RNF149: variants seen among roughly 807,000 people sequenced by gnomAD.
RNF149 encodes the protein ring finger protein 149.
Under a neutral mutation model 39.0 loss-of-function variants are expected in RNF149, and 21 were observed. That is an observed-to-expected ratio of 0.54 (90% CI 0.38 to 0.77). RNF149 has a LOEUF of 0.77. Ranked by LOEUF, RNF149 falls within the 30% of genes least tolerant of loss-of-function variation. RNF149 has a pLI of 0.00. For missense variants in RNF149, 493 were observed against 534.9 expected (o/e 0.92, Z 0.77); for synonymous variants, 209 against 213.6 (o/e 0.98, Z 0.19).
At chr2:101,282,850 C>T (rs1371913965) in intron 5 of RNF149, among the ~76,000 whole-genome samples, 2 of 152,024 alleles carry the variant, frequency 1.3e-5, no homozygotes, top group Admixed American at 1.3e-4. Flanking sequence ...GCTGTGCCCC[C>T]CACAGCCCTG....
intron 5 of RNF149, 97 bp from the exon 6 acceptor site, chr2:101,282,154 T>A: frequency 8.7e-6 from 13 of 1,495,042 alleles, no homozygotes; most frequent in Non-Finnish European, 1.2e-5. Flanking sequence ...CAATATTACG[T>A]ACTTCTGTAC....
Position 101,286,094 on chromosome 2 carries a change from G to T in RNF149, c.947C>A (p.Ala316Asp), listed in dbSNP as rs770722293. The change falls in exon 5 of 7, where the codon GCC becomes GAC. Residue 316 changes from alanine (A) to aspartate (D), a missense_variant. Transcript: ENST00000295317. ...AATGTAACAAACCCAATATCCTAGG[G>T]CTTTGATGACATCAAGTTTACACAT... is the stretch of plus-strand genomic sequence containing the variant. ...CPMCKLDVIK[A>D]LGYWGEPGDV... 1.2e-6 allele frequency: 2 copies of T among 1,603,976 alleles called. No individual in the cohort carries two copies. The highest frequency in any genetic ancestry group is 1.7e-6 in the Non-Finnish European group (2 of 1,171,060).
chr2:101,303,274 T>A (rs72986745), intron 1 of RNF149, among the ~76,000 whole-genome samples: 1 of 100,162 alleles, frequency 1.0e-5, no homozygotes, highest in Non-Finnish European at 1.9e-5. Flanking sequence ...TGCCTCAACG[T>A]TGGCTCATTT....
chr2:101,292,845 T>C (rs775088731), intron 3 of RNF149, among the ~76,000 whole-genome samples: 1 of 152,164 alleles, frequency 6.6e-6, no homozygotes, highest in East Asian at 1.9e-4. Context: ...TAAACCACGT[T>C]TGTCAAGTAA....
At chr2:101,292,160 C>T (rs1219516815) in intron 3 of RNF149, among the ~76,000 whole-genome samples, 2 of 152,170 alleles carry the variant, frequency 1.3e-5, no homozygotes, top group African/African-American at 2.4e-5. Context: ...ATGGTTTCTA[C>T]TGAATGTGTA....
In RNF149 at chr2:101,282,827, C is replaced by G. The variant is rs150853010; in HGVS notation, c.961-770G>C. Reference sequence around the variant, plus strand: ...AAAACACCACTCACGGGCACCCCTCCTCCCTCCACTGGGCTGTGCCCCCCA... The same window carrying G: ...AAAACACCACTCACGGGCACCCCTCGTCCCTCCACTGGGCTGTGCCCCCCA... On this transcript the variant is annotated intron_variant, in intron 5 of 6. Transcript: ENST00000295317. Among the ~76,000 whole-genome samples the G allele has an allele frequency of 2.6e-4, 40 of 152,168 alleles. 1 individual carries two copies. Among genetic ancestry groups the G allele is most frequent in the Non-Finnish European group, 1.2e-4 (8 of 67,990 alleles).
downstream of RNF149, chr2:101,272,904 A>G: frequency 7.6e-7 from 1 of 1,323,104 alleles, no homozygotes; most frequent in Non-Finnish European, 1.0e-6. Flanking sequence ...CTTTCTTGAC[A>G]GCTCCCATGG....
rs753592715 is a variant in RNF149, at chr2:101,308,253, C to G, written c.336G>C (p.Leu112=). The change falls in exon 1 of 7, where the codon CTG becomes CTC. Residue 112 remains leucine, a synonymous_variant. Transcript: ENST00000295317. Reference sequence around the variant, plus strand: ...TGAAGGTGCAGCCCCCACGAGCCACCAGGGCGACCCAGGGCGCGGCCCCTC... The same window carrying G: ...TGAAGGTGCAGCCCCCACGAGCCACGAGGGCGACCCAGGGCGCGGCCCCTC... ...GGRGAAPWVA[L]VARGGCTFKD... is the part of the protein sequence containing the mutation. The G allele has an allele frequency of 3.2e-6, 5 of 1,586,186 alleles. No individual in the cohort carries two copies. In the East Asian group the frequency reaches 1.2e-4, roughly 37 times the overall value.
At chr2:101,277,342 T>TA in intron 6 of RNF149, 61 bp from the exon 7 acceptor site, 1 of 1,556,190 alleles carries the variant, frequency 6.4e-7, no homozygotes, top group Non-Finnish European at 8.7e-7. Context: ...GAGCTTCAAC[T>TA]ATGCAAACAC....
intron 6 of RNF149, 51 bp from the exon 7 acceptor site, chr2:101,277,332 G>C: frequency 6.4e-7 from 1 of 1,565,492 alleles, no homozygotes; most frequent in Non-Finnish European, 8.6e-7. Context: ...AGCATATTCC[G>C]AGCTTCAACT....
chr2:101,281,727 C>T, intron 6 of RNF149, 132 bp downstream of exon 6: 1 of 1,089,892 alleles, frequency 9.2e-7, no homozygotes, highest in Non-Finnish European at 1.3e-6. Context: ...TCTCAAATTT[C>T]TGGTTACTTA....
chr2:101,294,165 C>CTTATGTGTATTTCTGT, intron 2 of RNF149, 83 bp from the exon 3 acceptor site: 1 of 738,270 alleles, frequency 1.4e-6, no homozygotes, highest in Admixed American at 2.3e-5. Flanking sequence ...ATATAATACA[C>CTTATGTGTATTTCTGT]ATAAGCATAC....
intron 5 of RNF149, 85 bp from the exon 6 acceptor site, chr2:101,282,142 C>T: frequency 7.1e-6 from 11 of 1,543,850 alleles, no homozygotes; most frequent in Non-Finnish European, 8.7e-6. Context: ...GTAATTCACA[C>T]ACAATATTAC....
intron 6 of RNF149, among the ~76,000 whole-genome samples, chr2:101,280,201 A>AATAATAATAATAATAATAATG (rs70943072): frequency 6.8e-6 from 1 of 146,582 alleles, no homozygotes; most frequent in African/African-American, 2.6e-5. Context: ...TAATAATAAT[A>AATAATAATAATAATAATAATG]ATGATGATGA....
At chr2:101,275,111 G>GTTTTTTT (rs1165388203), downstream of RNF149, among the ~76,000 whole-genome samples, 24 of 51,058 alleles carry the variant, frequency 4.7e-4, no homozygotes, top group Admixed American at 1.1e-3. Flanking sequence ...TAGTATTTCT[G>GTTTTTTT]TTTTTTTTTT....
chr2:101,288,890 C>G, intron 4 of RNF149, 83 bp downstream of exon 4: 1 of 691,328 alleles, frequency 1.4e-6, no homozygotes, highest in Non-Finnish European at 2.5e-6. Flanking sequence ...TCTTCATTAT[C>G]ATAAAAAACA....
At chr2:101,306,707 C>T (rs1279059968) in intron 1 of RNF149, among the ~76,000 whole-genome samples, 1 of 152,214 alleles carries the variant, frequency 6.6e-6, no homozygotes, top group Non-Finnish European at 1.5e-5. Flanking sequence ...TCCTCTGCAT[C>T]TCCCTCAGTC....
At chr2:101,306,182 C>T (rs1355789634) in intron 1 of RNF149, among the ~76,000 whole-genome samples, 3 of 152,100 alleles carry the variant, frequency 2.0e-5, no homozygotes, top group African/African-American at 7.2e-5. Flanking sequence ...TTTCTTAATG[C>T]TATTATCAAA....
intron 1 of RNF149, among the ~76,000 whole-genome samples, chr2:101,299,136 A>G (rs189475088): frequency 6.6e-6 from 1 of 152,358 alleles, no homozygotes; most frequent in African/African-American, 2.4e-5. Context: ...AGTCTGGGCG[A>G]CAGGGCGAGA....
Sources: allele counts gnomAD v4.1 joint callset (sites outside exome capture counted in the v4.1 genomes callset), GRCh38; gene constraint gnomAD v4.1.1; transcripts MANE v1.5; gene names NCBI Gene and HGNC (gene_info 2026-07-23, HGNC 2026-07-21).